KDM4C: variants seen among roughly 807,000 people sequenced by gnomAD.
KDM4C encodes lysine demethylase 4C.
KDM4C carries 81 observed loss-of-function variants against 129.3 expected under a neutral mutation model. The observed-to-expected ratio is 0.63, with a 90% CI of 0.52 to 0.75. KDM4C has a LOEUF of 0.75. KDM4C is among the 30% of genes least tolerant of loss of function. KDM4C has a pLI of 0.00. For missense variants in KDM4C, 1,457 were observed against 1,304.0 expected, an observed-to-expected ratio of 1.12 and a Z score of -1.81; for synonymous variants, 573 against 456.1, an observed-to-expected ratio of 1.26 and a Z score of -3.26.
intron 17 of KDM4C, among the ~76,000 whole-genome samples, chr9:7,078,127 C>G (rs376071156): frequency 6.6e-6 from 1 of 152,074 alleles, no homozygotes; most frequent in East Asian, 1.9e-4. Context: ...GGAGAAGACT[C>G]AAGGAATATG....
At chr9:6,831,099 TA>T (rs1217236052) in intron 4 of KDM4C, among the ~76,000 whole-genome samples, 2 of 152,236 alleles carry the variant, frequency 1.3e-5, no homozygotes, top group Admixed American at 6.5e-5. Context: ...TAGACTCTGT[TA>T]TTTTTTTTCT....
chr9:6,942,941 T>C (rs1826224577), intron 8 of KDM4C, among the ~76,000 whole-genome samples: 1 of 152,136 alleles, frequency 6.6e-6, no homozygotes. Context: ...TCACGGCCCC[T>C]TGTAGCCCCA....
At chr9:6,728,579 G>C (rs1817220411) in intron 1 of KDM4C, among the ~76,000 whole-genome samples, 2 of 151,908 alleles carry the variant, frequency 1.3e-5, no homozygotes, top group South Asian at 4.1e-4. Flanking sequence ...GGGCTCAGTG[G>C]CTCATGCCTG....
At chr9:7,117,914 C>G (rs1341239855) in intron 18 of KDM4C, among the ~76,000 whole-genome samples, 1 of 152,168 alleles carries the variant, frequency 6.6e-6, no homozygotes, top group Non-Finnish European at 1.5e-5. Flanking sequence ...CTAATGTGAA[C>G]TCTCATCTCT....
intron 17 of KDM4C, among the ~76,000 whole-genome samples, chr9:7,053,382 C>A (rs941806111): frequency 2.6e-5 from 4 of 151,874 alleles, no homozygotes; most frequent in Admixed American, 6.6e-5. Context: ...CAGATTTTTT[C>A]CTCTTATGTA....
chr9:6,915,009 A>G (rs1820044775), intron 8 of KDM4C, among the ~76,000 whole-genome samples: 1 of 152,218 alleles, frequency 6.6e-6, no homozygotes, highest in Admixed American at 6.5e-5. Context: ...TTAAGAATTA[A>G]GTGTTGGACT....
chr9:6,916,968 A>T (rs977496572), intron 8 of KDM4C, among the ~76,000 whole-genome samples: 1 of 152,186 alleles, frequency 6.6e-6, no homozygotes, highest in African/African-American at 2.4e-5. Flanking sequence ...AAATGATACA[A>T]AGTTGAATGA....
At chr9:6,798,256 CTTTTT>C (rs71315565) in intron 2 of KDM4C, among the ~76,000 whole-genome samples, 2 of 142,068 alleles carry the variant, frequency 1.4e-5, no homozygotes, top group African/African-American at 5.2e-5. Flanking sequence ...TTCTTTCTTT[CTTTTT>C]TTTTTTTTTA....
At chr9:6,991,009 G>T (rs1818641423) in intron 12 of KDM4C, among the ~76,000 whole-genome samples, 1 of 152,116 alleles carries the variant, frequency 6.6e-6, no homozygotes, top group African/African-American at 2.4e-5. Flanking sequence ...TCGCTGTGAT[G>T]CAGCTGGATG....
At chr9:7,110,076 C>T (rs146300471) in intron 18 of KDM4C, among the ~76,000 whole-genome samples, 3 of 152,182 alleles carry the variant, frequency 2.0e-5, no homozygotes, top group Non-Finnish European at 2.9e-5. Flanking sequence ...TAGTCTCAGG[C>T]GGTTCTTTAT....
At chr9:6,899,263 C>T (rs763169537) in intron 8 of KDM4C, among the ~76,000 whole-genome samples, 1 of 152,026 alleles carries the variant, frequency 6.6e-6, no homozygotes, top group African/African-American at 2.4e-5. Context: ...CATAGCCCCC[C>T]ACATTATCAA....
exon 1 of KDM4C, chr9:6,720,911 T>C: frequency 6.5e-7 from 1 of 1,537,814 alleles, no homozygotes; most frequent in Non-Finnish European, 8.8e-7. Flanking sequence ...ATAGTTGGAG[T>C]GTTCTGCATT....
At chr9:6,868,119 T>C (rs1563728391) in intron 5 of KDM4C, among the ~76,000 whole-genome samples, 1 of 151,816 alleles carries the variant, frequency 6.6e-6, no homozygotes, top group Non-Finnish European at 1.5e-5. Flanking sequence ...CACCAAACCC[T>C]CCCTGGAGGC....
chr9:7,099,421 C>T (rs540647786), intron 17 of KDM4C, among the ~76,000 whole-genome samples: 1 of 152,314 alleles, frequency 6.6e-6, no homozygotes, highest in South Asian at 2.1e-4. Context: ...GCCTTAATGG[C>T]CTATGCCACT....
intron 8 of KDM4C, among the ~76,000 whole-genome samples, chr9:6,945,424 G>A (rs753101582): frequency 5.9e-5 from 9 of 152,130 alleles, no homozygotes; most frequent in East Asian, 1.9e-4. Flanking sequence ...GCATTTAGTA[G>A]TAGCATTGAT....
intron 12 of KDM4C, among the ~76,000 whole-genome samples, chr9:6,991,478 C>T (rs2792243): frequency 0.99 from 151,187 of 152,250 alleles, 75,076 homozygotes; most frequent in East Asian, 1. Context: ...TATATGTCTC[C>T]TAGCATCATG....
chr9:6,785,635 C>A (rs1825332786), intron 1 of KDM4C, among the ~76,000 whole-genome samples: 1 of 152,254 alleles, frequency 6.6e-6, no homozygotes, highest in African/African-American at 2.4e-5. Flanking sequence ...CTGCGCCTGG[C>A]TTCTTCTCTT....
Position 6,758,343 on chromosome 9 carries a change from C to G in KDM4C, c.-18+140C>G, listed in dbSNP as rs569599304. 9 of 390,310 alleles carry G rather than the reference C, an allele frequency of 2.3e-5. No homozygotes were observed. The South Asian group carries it at 8.3e-4, about 36-fold the overall frequency. The allele number at this position is 390,310 out of a possible 1,614,324, so 24.2% of individuals were successfully genotyped here. On this transcript the variant is annotated intron_variant, in intron 1 of 21. Transcript: ENST00000381309. The surrounding 1 kb of genome is among the most constrained non-coding windows in gnomAD (Gnocchi z 4.6). The stretch of plus-strand genomic sequence containing the variant: ...GACGCTGGGGCAGAGACGCTCCGTC[C>G]GTGACTGCAGCGACTGTCAAGCTGG...
chr9:6,902,949 T>A, intron 8 of KDM4C, among the ~76,000 whole-genome samples: 1 of 152,168 alleles, frequency 6.6e-6, no homozygotes, highest in African/African-American at 2.4e-5. Flanking sequence ...AGAAACACAG[T>A]GTAGCTCTTG....
Sources: allele counts gnomAD v4.1 joint callset (sites outside exome capture counted in the v4.1 genomes callset), GRCh38; gene constraint gnomAD v4.1.1; non-coding constraint Gnocchi (gnomAD v3.1); transcripts MANE v1.5; gene names NCBI Gene and HGNC (gene_info 2026-07-23, HGNC 2026-07-21).